PLB1: variants seen among roughly 807,000 people sequenced by gnomAD.
PLB1 encodes phospholipase B1.
In PLB1, 242 loss-of-function variants were observed where a neutral mutation model predicts 227.4. That is an observed-to-expected ratio of 1.06 (90% CI 0.96 to 1.18). The LOEUF is 1.18. Among genes scored for constraint, PLB1 ranks in the 50% most tolerant of loss-of-function variants. The pLI is 0.00. For missense variants in PLB1, 1,858 were observed against 1,816.3 expected (o/e 1.02, Z -0.42); for synonymous variants, 757 against 682.2 (o/e 1.11, Z -1.71).
intron 13 of PLB1, among the ~76,000 whole-genome samples, chr2:28,542,466 C>A (rs1158351412): frequency 1.3e-5 from 2 of 152,060 alleles, no homozygotes; most frequent in African/African-American, 4.8e-5. Flanking sequence ...CATTTAGTAA[C>A]ATGTTCTCTC....
At chr2:28,603,227 T>G (rs1262385789) in intron 39 of PLB1, among the ~76,000 whole-genome samples, 2 of 152,076 alleles carry the variant, frequency 1.3e-5, no homozygotes, top group Non-Finnish European at 2.9e-5. Context: ...TGGGCAGTGG[T>G]TAGGGAAGTA....
intron 46 of PLB1, among the ~76,000 whole-genome samples, chr2:28,619,435 G>A (rs1303958542): frequency 1.8e-4 from 28 of 152,102 alleles, no homozygotes; most frequent in South Asian, 2.1e-4. Flanking sequence ...GTGGCAAGGG[G>A]CAGGATTCTT....
intron 1 of PLB1, among the ~76,000 whole-genome samples, chr2:28,503,691 C>T (rs562065934): frequency 1.3e-5 from 2 of 152,280 alleles, no homozygotes; most frequent in East Asian, 3.9e-4. Flanking sequence ...TCGTGTTCCC[C>T]TCCTTGGCCT....
At chr2:28,631,111 G>T (rs1243013757) in intron 54 of PLB1, among the ~76,000 whole-genome samples, 1 of 150,164 alleles carries the variant, frequency 6.7e-6, no homozygotes, top group African/African-American at 2.5e-5. Flanking sequence ...CTATGATGAT[G>T]CCATTGTACT....
intron 1 of PLB1, among the ~76,000 whole-genome samples, chr2:28,510,483 G>T (rs1668105417): frequency 6.6e-6 from 1 of 152,038 alleles, no homozygotes; most frequent in Non-Finnish European, 1.5e-5. Context: ...AGCCCACTTG[G>T]CATCCAACCT....
intron 25 of PLB1, among the ~76,000 whole-genome samples, chr2:28,584,645 A>G (rs1573177817): frequency 6.6e-6 from 1 of 152,284 alleles, no homozygotes; most frequent in African/African-American, 2.4e-5. Context: ...GACTCAGGTC[A>G]CCTTCTCCTG....
intron 43 of PLB1, among the ~76,000 whole-genome samples, chr2:28,612,347 T>C (rs1045730325): frequency 3.3e-5 from 5 of 152,144 alleles, no homozygotes; most frequent in Non-Finnish European, 7.4e-5. Flanking sequence ...AACAGGGTTT[T>C]TGTTGGCCTG....
At chr2:28,610,131 A>G (rs1199356777) in intron 43 of PLB1, among the ~76,000 whole-genome samples, 9 of 152,146 alleles carry the variant, frequency 5.9e-5, no homozygotes, top group African/African-American at 2.2e-4. Flanking sequence ...GTTCCAGGAT[A>G]CATGTGCAGA....
At chr2:28,641,122 C>T (rs1012349569) in intron 57 of PLB1, 121 bp downstream of exon 57, 16 of 902,708 alleles carry the variant, frequency 1.8e-5, no homozygotes, top group Admixed American at 8.6e-5. Context: ...CACTCACTGC[C>T]GTCTTCTCAA....
intron 34 of PLB1, among the ~76,000 whole-genome samples, 168 bp from the exon 35 acceptor site, chr2:28,598,484 G>T (rs80201294): frequency 6.6e-6 from 1 of 152,054 alleles, no homozygotes; most frequent in African/African-American, 2.4e-5. Context: ...TGTCAACTTA[G>T]GGTGGTCCCA....
At chr2:28,628,749 G>A in intron 52 of PLB1, 121 bp downstream of exon 52, 1 of 974,214 alleles carries the variant, frequency 1.0e-6, no homozygotes, top group Non-Finnish European at 1.6e-6. Flanking sequence ...GCACCTGGAT[G>A]GCAGGGAGGG....
intron 4 of PLB1, among the ~76,000 whole-genome samples, chr2:28,524,569 G>A (rs935697957): frequency 6.6e-6 from 1 of 152,176 alleles, no homozygotes; most frequent in African/African-American, 2.4e-5. Context: ...ACATAGTTAA[G>A]TACAAAATGG....
At chr2:28,525,442 A>C in intron 5 of PLB1, 135 bp downstream of exon 5, 2 of 984,678 alleles carry the variant, frequency 2.0e-6, no homozygotes, top group Admixed American at 4.9e-5. Flanking sequence ...CTGAGAAGGT[A>C]GCAGAGAAGC....
chr2:28,567,940 T>C (rs1292300801), intron 20 of PLB1, among the ~76,000 whole-genome samples: 2 of 152,200 alleles, frequency 1.3e-5, no homozygotes, highest in African/African-American at 4.8e-5. Context: ...ACTGGTCCCA[T>C]TTTCATTTAC....
intron 6 of PLB1, among the ~76,000 whole-genome samples, chr2:28,528,875 G>A (rs917763906): frequency 2.0e-5 from 3 of 151,880 alleles, no homozygotes; most frequent in African/African-American, 4.8e-5. Flanking sequence ...CAGGGTGTGA[G>A]GAAGGACCAT....
chr2:28,609,568 A>G (rs907731064), intron 43 of PLB1, among the ~76,000 whole-genome samples: 6 of 152,164 alleles, frequency 3.9e-5, no homozygotes, highest in Non-Finnish European at 8.8e-5. Context: ...ATTGAATTAC[A>G]TATAAGTGAC....
At chr2:28,598,176 C>T (rs1573311439) in intron 34 of PLB1, 128 bp downstream of exon 34, 1 of 776,292 alleles carries the variant, frequency 1.3e-6, no homozygotes, top group Middle Eastern at 2.4e-4. Flanking sequence ...AAGTAGGAGA[C>T]AGGAGGCTAT....
At chr2:28,545,891 G>A (rs772334020) in intron 14 of PLB1, among the ~76,000 whole-genome samples, 1 of 152,106 alleles carries the variant, frequency 6.6e-6, no homozygotes, top group East Asian at 1.9e-4. Flanking sequence ...GGGAGTCCAG[G>A]TCCATTACTC....
chr2:28,549,874 G>T, intron 15 of PLB1, 136 bp from the exon 16 acceptor site: 1 of 624,812 alleles, frequency 1.6e-6, no homozygotes, highest in Middle Eastern at 4.2e-4. Flanking sequence ...AAGAGCCAGA[G>T]AATGGTTTGG....
Sources: gnomAD v4.1 joint callset for allele counts (sites outside exome capture counted in the v4.1 genomes callset) on GRCh38, gnomAD v4.1.1 for gene constraint, MANE v1.5 for transcripts, NCBI Gene and HGNC (gene_info 2026-07-23, HGNC 2026-07-21) for gene names.